RARB: variants seen among roughly 807,000 people sequenced by gnomAD.
The protein encoded by RARB is HBV-activated protein.
In RARB, 17 loss-of-function variants were observed where a neutral mutation model predicts 51.9. The ratio of observed to expected loss-of-function variants is 0.33; its 90% CI spans 0.22 to 0.49. RARB has a LOEUF of 0.49. Among genes scored for constraint, RARB ranks in the 20% least tolerant of loss-of-function variants. The pLI, the probability that RARB is intolerant of heterozygous loss-of-function variation, is 0.99. For synonymous variants in RARB, 215 were observed against 195.4 expected (o/e 1.10, Z -0.84); for missense variants, 369 against 550.8 (o/e 0.67, Z 3.30).
chr3:25,146,741 G>A (rs1225762575), intron 4 of RARB, among the ~76,000 whole-genome samples: 1 of 151,604 alleles, frequency 6.6e-6, no homozygotes, highest in African/African-American at 2.4e-5. Context: ...GGATAGTCTC[G>A]ATCTCCTGAC....
chr3:24,922,109 T>C (rs1176590979), intron 2 of RARB, among the ~76,000 whole-genome samples: 9 of 152,206 alleles, frequency 5.9e-5, no homozygotes, highest in African/African-American at 1.9e-4. Context: ...CACTGTCTTA[T>C]ATAGGAAAGT....
intron 1 of RARB, among the ~76,000 whole-genome samples, chr3:25,430,588 A>G (rs943854909): frequency 6.6e-6 from 1 of 152,218 alleles, no homozygotes; most frequent in Non-Finnish European, 1.5e-5. Flanking sequence ...TAGGGGGAAA[A>G]GCTTTGTTTG....
intron 5 of RARB, among the ~76,000 whole-genome samples, chr3:25,585,851 A>G (rs1185424862): frequency 6.6e-6 from 1 of 152,228 alleles, no homozygotes; most frequent in Non-Finnish European, 1.5e-5. Context: ...TCGCGCAGCT[A>G]GTAAACAGTG....
At chr3:25,295,271 T>C (rs1703889995) in intron 5 of RARB, among the ~76,000 whole-genome samples, 1 of 152,164 alleles carries the variant, frequency 6.6e-6, no homozygotes, top group Admixed American at 6.5e-5. Context: ...TGTGTTGGTA[T>C]TAAGAGGTGG....
chr3:25,101,205 T>C (rs939964749), intron 3 of RARB, among the ~76,000 whole-genome samples: 8 of 152,172 alleles, frequency 5.3e-5, no homozygotes, highest in South Asian at 2.1e-4. Context: ...CTTCATCTTA[T>C]GGCACTTCTA....
intron 5 of RARB, among the ~76,000 whole-genome samples, chr3:25,241,728 G>C (rs1238867162): frequency 6.6e-6 from 1 of 152,156 alleles, no homozygotes. Context: ...ATCGGCATTT[G>C]GGTTGGTTCC....
intron 3 of RARB, among the ~76,000 whole-genome samples, chr3:25,119,646 T>C (rs938952099): frequency 1.4e-5 from 2 of 139,024 alleles, no homozygotes; most frequent in African/African-American, 5.8e-5. Flanking sequence ...GAAAAAGTGA[T>C]AAAACAAACA....
intron 3 of RARB, among the ~76,000 whole-genome samples, chr3:25,561,967 T>C (rs1209860728): frequency 6.6e-6 from 1 of 152,194 alleles, no homozygotes; most frequent in African/African-American, 2.4e-5. Flanking sequence ...GCCTATTCCA[T>C]GAAAGAAATA....
At chr3:24,971,649 G>T (rs770333446) in intron 2 of RARB, among the ~76,000 whole-genome samples, 1 of 152,032 alleles carries the variant, frequency 6.6e-6, no homozygotes, top group Non-Finnish European at 1.5e-5. Context: ...GCTTTAAAAA[G>T]GACTGACAAA....
intron 5 of RARB, among the ~76,000 whole-genome samples, chr3:25,317,939 G>A (rs568124455): frequency 1.3e-5 from 2 of 152,182 alleles, no homozygotes; most frequent in Non-Finnish European, 2.9e-5. Context: ...AGTGGAATTA[G>A]TCTGAATTGA....
At chr3:25,200,302 T>C (rs1196282476) in intron 5 of RARB, among the ~76,000 whole-genome samples, 2 of 151,108 alleles carry the variant, frequency 1.3e-5, no homozygotes, top group Admixed American at 1.3e-4. Context: ...TTTTTTTTTC[T>C]TGTAAATTTG....
At chr3:25,159,962 T>C (rs1337945462) in intron 4 of RARB, among the ~76,000 whole-genome samples, 1 of 152,190 alleles carries the variant, frequency 6.6e-6, no homozygotes, top group African/African-American at 2.4e-5. Flanking sequence ...CTCCCAACTC[T>C]CTTGAAAACC....
At chr3:24,894,120 AT>A in intron 2 of RARB, among the ~76,000 whole-genome samples, 1 of 152,164 alleles carries the variant, frequency 6.6e-6, no homozygotes, top group African/African-American at 2.4e-5. Flanking sequence ...ATTTTTTATA[AT>A]TTCGACTTTT....
At chr3:24,983,000 A>G (rs973806130) in intron 2 of RARB, among the ~76,000 whole-genome samples, 1 of 152,242 alleles carries the variant, frequency 6.6e-6, no homozygotes, top group Admixed American at 6.5e-5. Flanking sequence ...ATAAACATAT[A>G]CATATATTAA....
At chr3:24,949,714 T>A (rs1035709362) in intron 2 of RARB, among the ~76,000 whole-genome samples, 3 of 152,232 alleles carry the variant, frequency 2.0e-5, no homozygotes, top group African/African-American at 7.2e-5. Flanking sequence ...ATTCCTGGGA[T>A]TCCCCTCTGT....
At chr3:25,350,865 G>C (rs1705545394) in intron 5 of RARB, among the ~76,000 whole-genome samples, 1 of 152,202 alleles carries the variant, frequency 6.6e-6, no homozygotes, top group African/African-American at 2.4e-5. Flanking sequence ...ATGTCCCCTT[G>C]TTGCATATGG....
chr3:25,431,855 T>C lies in RARB; in HGVS notation c.157+2967T>C, dbSNP rs13320531. The stretch of plus-strand genomic sequence containing the variant: ...GAGAAAAGGCCTCTTTTCAAAGCCC[T>C]GGGACCCAAATTTTAAGTATTAAAC... On this transcript the variant is annotated intron_variant, in intron 1 of 7. Transcript: ENST00000330688. Among the ~76,000 whole-genome samples, 773 of 152,292 alleles carry C rather than the reference T, an allele frequency of 5.1e-3. 3 individuals are homozygous for C. Among genetic ancestry groups the C allele is most frequent in the African/African-American group, 0.017 (698 of 41,586 alleles).
intron 3 of RARB, among the ~76,000 whole-genome samples, chr3:25,564,745 G>T (rs1471028292): frequency 6.6e-6 from 1 of 152,152 alleles, no homozygotes; most frequent in Non-Finnish European, 1.5e-5. Context: ...GGAGGGGAGG[G>T]CTTTGATGCA....
intron 5 of RARB, among the ~76,000 whole-genome samples, chr3:25,257,092 G>A (rs1702884949): frequency 6.6e-6 from 1 of 152,214 alleles, no homozygotes; most frequent in African/African-American, 2.4e-5. Flanking sequence ...AAGAACATCT[G>A]CCCCTGAATG....
Sources: allele counts gnomAD v4.1 joint callset (sites outside exome capture counted in the v4.1 genomes callset), GRCh38; gene constraint gnomAD v4.1.1; transcripts MANE v1.5; gene names NCBI Gene and HGNC (gene_info 2026-07-23, HGNC 2026-07-21).